DCLK2: variants seen among roughly 807,000 people sequenced by gnomAD.
The protein encoded by DCLK2 is doublecortin like kinase 2.
In DCLK2, 31 loss-of-function variants were observed where a neutral mutation model predicts 78.4. That is an observed-to-expected ratio of 0.40 (90% CI 0.30 to 0.53). DCLK2 has a LOEUF of 0.53. Among genes scored for constraint, DCLK2 ranks in the 20% least tolerant of loss-of-function variants. The pLI is 0.61. For missense variants in DCLK2, 872 were observed against 973.7 expected (o/e 0.90, Z 1.39); for synonymous variants, 407 against 374.9 (o/e 1.09, Z -0.99).
At chr4:150,190,051 A>AAAAAAAAAAAAAAAAAAAC (rs3032859) in intron 2 of DCLK2, among the ~76,000 whole-genome samples, 1 of 141,670 alleles carries the variant, frequency 7.1e-6, no homozygotes, top group East Asian at 2.0e-4. Flanking sequence ...AAAAAAAAAA[A>AAAAAAAAAAAAAAAAAAAC]GGCCAAGTGT....
chr4:150,159,499 A>G (rs1735550946), intron 2 of DCLK2, among the ~76,000 whole-genome samples: 1 of 152,208 alleles, frequency 6.6e-6, no homozygotes, highest in Admixed American at 6.5e-5. Flanking sequence ...GGCCAATTAA[A>G]TGTACGTGCT....
At chr4:150,120,620 A>G (rs1732460085) in intron 2 of DCLK2, among the ~76,000 whole-genome samples, 1 of 152,366 alleles carries the variant, frequency 6.6e-6, no homozygotes, top group African/African-American at 2.4e-5. Context: ...TAATGACACA[A>G]TAAAGTGAAT....
chr4:150,228,190 C>G (rs1741760824), intron 8 of DCLK2, among the ~76,000 whole-genome samples: 1 of 152,206 alleles, frequency 6.6e-6, no homozygotes, highest in African/African-American at 2.4e-5. Context: ...CTCTCCACTG[C>G]AGAACCCTTC....
intron 2 of DCLK2, among the ~76,000 whole-genome samples, chr4:150,166,624 A>T (rs1477899825): frequency 6.6e-6 from 1 of 152,212 alleles, no homozygotes; most frequent in Non-Finnish European, 1.5e-5. Flanking sequence ...GCCTTGTGTG[A>T]TGAGTACACA....
chr4:150,082,127 T>C (rs186974698), intron 1 of DCLK2, among the ~76,000 whole-genome samples: 5 of 152,306 alleles, frequency 3.3e-5, no homozygotes, highest in Admixed American at 6.5e-5. Flanking sequence ...GTAGGAGAAC[T>C]AAGCAGCTAT....
intron 14 of DCLK2, 25 bp from the exon 15 acceptor site, chr4:150,249,543 T>C: frequency 6.3e-7 from 1 of 1,593,502 alleles, no homozygotes; most frequent in Non-Finnish European, 8.6e-7. Context: ...AAAAGCATTG[T>C]ATTTGATTGT....
intron 14 of DCLK2, 35 bp from the exon 15 acceptor site, chr4:150,249,533 A>G: frequency 1.3e-6 from 2 of 1,586,722 alleles, no homozygotes; most frequent in Non-Finnish European, 1.7e-6. Context: ...GGAGGATGGA[A>G]AAAGCATTGT....
At chr4:150,135,983 G>A (rs912361892) in intron 2 of DCLK2, among the ~76,000 whole-genome samples, 2 of 152,140 alleles carry the variant, frequency 1.3e-5, no homozygotes, top group Non-Finnish European at 2.9e-5. Context: ...ACTGACCCAA[G>A]TAAAGTACAA....
intron 2 of DCLK2, among the ~76,000 whole-genome samples, chr4:150,131,257 C>T (rs1181479043): frequency 6.6e-6 from 1 of 152,110 alleles, no homozygotes; most frequent in Non-Finnish European, 1.5e-5. Flanking sequence ...AAGCCTAGTA[C>T]ATTTTCTTCT....
intron 7 of DCLK2, 106 bp from the exon 8 acceptor site, chr4:150,224,391 GATCT>G: frequency 1.1e-6 from 1 of 929,058 alleles, no homozygotes; most frequent in Non-Finnish European, 1.6e-6. Flanking sequence ...AACATAATGA[GATCT>G]CATCTCTACA....
intron 2 of DCLK2, among the ~76,000 whole-genome samples, chr4:150,158,271 T>C (rs1177440956): frequency 6.6e-6 from 1 of 152,178 alleles, no homozygotes; most frequent in East Asian, 1.9e-4. Flanking sequence ...ACTGGTCACA[T>C]TGGATTATGG....
chr4:150,217,890 A>G (rs1290914208), intron 5 of DCLK2, among the ~76,000 whole-genome samples: 3 of 152,350 alleles, frequency 2.0e-5, no homozygotes, highest in East Asian at 1.9e-4. Flanking sequence ...GAGGCTTAAC[A>G]CCTTTTAAAA....
intron 5 of DCLK2, among the ~76,000 whole-genome samples, chr4:150,209,929 G>T (rs577693515): frequency 2.6e-4 from 39 of 152,248 alleles, no homozygotes; most frequent in African/African-American, 9.4e-4. Context: ...ACAAAAATTA[G>T]CCAGGCGTGG....
At chr4:150,153,719 A>G (rs7662896) in intron 2 of DCLK2, among the ~76,000 whole-genome samples, 45,397 of 151,634 alleles carry the variant, frequency 0.3, 6,902 homozygotes, top group East Asian at 0.34. Context: ...CAAGCCACAA[A>G]CTCTTACATG....
chr4:150,203,747 T>C, intron 4 of DCLK2, 48 bp from the exon 5 acceptor site: 1 of 1,465,528 alleles, frequency 6.8e-7, no homozygotes, highest in Non-Finnish European at 9.6e-7. Context: ...AGTCTGGTTG[T>C]TGTGGGTTTT....
At chr4:150,094,562 C>T (rs1413223952) in intron 1 of DCLK2, among the ~76,000 whole-genome samples, 1 of 152,156 alleles carries the variant, frequency 6.6e-6, no homozygotes, top group Non-Finnish European at 1.5e-5. Flanking sequence ...ACTGACATGA[C>T]CTACGAGTGT....
intron 2 of DCLK2, among the ~76,000 whole-genome samples, chr4:150,192,421 A>C (rs1186777946): frequency 4.1e-5 from 6 of 146,696 alleles, no homozygotes; most frequent in Non-Finnish European, 8.9e-5. Flanking sequence ...TGGAGATTGC[A>C]GTGAGCCGAA....
In DCLK2 at chr4:150,169,453, G is replaced by A. The variant is rs1736345103; in HGVS notation, c.757-23685G>A. Among the ~76,000 whole-genome samples, 5 of 152,288 alleles carry A rather than the reference G, an allele frequency of 3.3e-5. No individual in the cohort carries two copies. In the South Asian group the frequency reaches 8.3e-4, roughly 25 times the overall value. On this transcript the variant is annotated intron_variant, in intron 2 of 15. Coordinates refer to ENST00000296550, the MANE Select transcript of DCLK2 (RefSeq NM_001040260.4). Reference sequence around the variant, plus strand: ...GCGGTTGGATCACCTGAGGTCAGCAGTTCTAGACCAGCCTGGCCAACATGG... The same window carrying A: ...GCGGTTGGATCACCTGAGGTCAGCAATTCTAGACCAGCCTGGCCAACATGG...
chr4:150,228,571 T>C (rs1169512278), intron 8 of DCLK2, among the ~76,000 whole-genome samples: 1 of 151,908 alleles, frequency 6.6e-6, no homozygotes, highest in Non-Finnish European at 1.5e-5. Flanking sequence ...TGAAAGATGG[T>C]GGGATGAGAG....
Sources: gnomAD v4.1 joint callset for allele counts (sites outside exome capture counted in the v4.1 genomes callset) on GRCh38, gnomAD v4.1.1 for gene constraint, MANE v1.5 for transcripts, NCBI Gene and HGNC (gene_info 2026-07-23, HGNC 2026-07-21) for gene names.